RAI14: variants seen among roughly 807,000 people sequenced by gnomAD.
RAI14 encodes ankycorbin.
RAI14 carries 45 observed loss-of-function variants against 115.4 expected under a neutral mutation model. The ratio of observed to expected loss-of-function variants is 0.39; its 90% CI spans 0.31 to 0.50. The LOEUF (loss-of-function observed/expected upper bound fraction) is 0.50, where lower values mean the gene tolerates loss of function less well. Ranked by LOEUF, RAI14 falls within the 20% of genes least tolerant of loss-of-function variation. The pLI, the probability that RAI14 is intolerant of heterozygous loss-of-function variation, is 0.85. For synonymous variants in RAI14, 371 were observed against 415.4 expected, an observed-to-expected ratio of 0.89 and a Z score of 1.30; for missense variants, 939 against 1,131.2, an observed-to-expected ratio of 0.83 and a Z score of 2.44.
intron 2 of RAI14, among the ~76,000 whole-genome samples, chr5:34,718,532 G>A (rs1742268700): frequency 1.3e-5 from 2 of 152,332 alleles, no homozygotes; most frequent in South Asian, 2.1e-4. Context: ...TACACACAAT[G>A]GTGCTCAGGG....
At chr5:34,729,159 C>G (rs1283827578) in intron 2 of RAI14, among the ~76,000 whole-genome samples, 1 of 152,048 alleles carries the variant, frequency 6.6e-6, no homozygotes, top group Non-Finnish European at 1.5e-5. Context: ...GAGTTCAGAA[C>G]CAGCCTGGAC....
chr5:34,767,618 A>ACCCCCACCACCCCCACCACCCCCACCC (rs1749586456), intron 3 of RAI14, among the ~76,000 whole-genome samples: 1 of 41,132 alleles, frequency 2.4e-5, no homozygotes, highest in Non-Finnish European at 5.0e-5. Context: ...CACCCCCACC[A>ACCCCCACCACCCCCACCACCCCCACCC]CCCCCCACCC....
Position 34,823,466 on chromosome 5 carries a change from G to A in RAI14, c.1624G>A (p.Ala542Thr). 6.2e-7 allele frequency: 1 copy of A among 1,614,166 alleles called. No individual in the cohort carries two copies. Among genetic ancestry groups the A allele is most frequent in the Non-Finnish European group, 8.5e-7 (1 of 1,180,032 alleles). ...INVLKQDLQNALEESERNKEK... is the reference protein window; with the variant it reads ...INVLKQDLQNTLEESERNKEK... ...TGTGCTAAAGCAGGATCTGCAGAAT[G>A]CATTAGAAGAAAGTGAAAGAAATAA... Residue 542 changes from alanine (A) to threonine (T), a missense_variant, in exon 15 of 18, where the codon GCA becomes ACA. By Grantham distance (58) the Ala-to-Thr change is moderately conservative (BLOSUM62 0). Coordinates refer to ENST00000265109, the MANE Select transcript of RAI14 (RefSeq NM_015577.3). This position sits in a 1 kb window ranked among gnomAD's most constrained non-coding sequence, Gnocchi z 4.5.
At chr5:34,754,989 C>T (rs1196227259) in intron 2 of RAI14, among the ~76,000 whole-genome samples, 4 of 152,112 alleles carry the variant, frequency 2.6e-5, no homozygotes, top group Admixed American at 6.5e-5. Flanking sequence ...CTTCCCAGTC[C>T]AGTTTTAATT....
intron 2 of RAI14, among the ~76,000 whole-genome samples, chr5:34,750,861 T>TTTTTTTTTG (rs1746903909): frequency 6.9e-6 from 1 of 144,624 alleles, no homozygotes; most frequent in African/African-American, 2.6e-5. Context: ...TTTTTTTTTT[T>TTTTTTTTTG]TTTTTTTTGA....
At position 34,790,760 on chromosome 5, in the gene RAI14, A is replaced by G. The variant is rs533758499; in HGVS notation, c.168-5179A>G. 4.4e-5 allele frequency among the ~76,000 whole-genome samples: 6 copies of G among 135,298 alleles called. No homozygotes were observed. In the East Asian group the frequency reaches 7.8e-4, roughly 18 times the overall value. The allele number at this position is 135,298 out of a possible 152,430, so 88.8% of individuals were successfully genotyped here. On this transcript the variant is annotated intron_variant, in intron 3 of 17. Coordinates refer to ENST00000265109, the MANE Select transcript of RAI14 (RefSeq NM_015577.3). ...TGTGTATATGGGTGTGTGTGTGTGT[A>G]TATATACATATATATATATATATAG...
chr5:34,796,121 TGTG>T (rs1355147687), intron 4 of RAI14, 94 bp downstream of exon 4: 1 of 995,228 alleles, frequency 1.0e-6, no homozygotes, highest in East Asian at 2.4e-5. Flanking sequence ...TAAGGCCAGG[TGTG>T]GTAACTCATC....
At chr5:34,801,602 C>A (rs6887098) in intron 4 of RAI14, among the ~76,000 whole-genome samples, 62,803 of 151,854 alleles carry the variant, frequency 0.41, 13,468 homozygotes, top group Admixed American at 0.53. Context: ...TTAGCCAGGC[C>A]TGGTGGCACG....
intron 3 of RAI14, among the ~76,000 whole-genome samples, chr5:34,795,433 T>C (rs552644918): frequency 3.1e-4 from 47 of 152,346 alleles, no homozygotes; most frequent in African/African-American, 1.1e-3. Context: ...ATGCAACTAT[T>C]GTTACTCAGA....
At chr5:34,704,781 G>A (rs1740484945) in intron 2 of RAI14, among the ~76,000 whole-genome samples, 1 of 152,120 alleles carries the variant, frequency 6.6e-6, no homozygotes, top group Admixed American at 6.5e-5. Flanking sequence ...TTTCCTTATA[G>A]GATGACTTCA....
In RAI14 at chr5:34,828,164, T is replaced by C. The variant is rs1757636477; in HGVS notation, c.2800-1568T>C. The stretch of plus-strand genomic sequence containing the variant: ...ATCTGGTGGGGCTAACCAGTCGCAG[T>C]AGGGGTTGGGGGAAGCCTGAAGCAA... On this transcript the variant is annotated intron_variant, in intron 16 of 17. Transcript: ENST00000265109. Among the ~76,000 whole-genome samples, 3 of 151,976 alleles carry C rather than the reference T, an allele frequency of 2.0e-5. No individual in the cohort carries two copies. The South Asian group carries it at 6.2e-4, about 32-fold the overall frequency.
At chr5:34,769,773 T>C (rs1340384617) in intron 3 of RAI14, among the ~76,000 whole-genome samples, 1 of 152,210 alleles carries the variant, frequency 6.6e-6, no homozygotes, top group African/African-American at 2.4e-5. Flanking sequence ...TAGCCCAGGC[T>C]GGAGTGCAGT....
At chr5:34,760,283 G>A (rs894099787) in intron 3 of RAI14, among the ~76,000 whole-genome samples, 8 of 152,120 alleles carry the variant, frequency 5.3e-5, no homozygotes, top group Non-Finnish European at 1.0e-4. Flanking sequence ...TCCTGACCTC[G>A]TGATCTGCCT....
At chr5:34,682,102 G>A (rs1282511865) in intron 1 of RAI14, among the ~76,000 whole-genome samples, 3 of 151,990 alleles carry the variant, frequency 2.0e-5, no homozygotes, top group South Asian at 2.1e-4. Context: ...TGATCCACCC[G>A]CCTCGGCCTC....
At chr5:34,763,689 C>T (rs1041166705) in intron 3 of RAI14, among the ~76,000 whole-genome samples, 4 of 152,114 alleles carry the variant, frequency 2.6e-5, no homozygotes, top group Non-Finnish European at 4.4e-5. Flanking sequence ...GGGTTCAGGA[C>T]AGAAGAGCTC....
At chr5:34,681,661 A>C (rs529888379) in intron 1 of RAI14, among the ~76,000 whole-genome samples, 33 of 152,032 alleles carry the variant, frequency 2.2e-4, no homozygotes, top group Non-Finnish European at 3.5e-4. Context: ...CCCCCGGCTA[A>C]TTAAAAAAAT....
chr5:34,724,420 G>T (rs778114288), intron 2 of RAI14, among the ~76,000 whole-genome samples: 1 of 152,062 alleles, frequency 6.6e-6, no homozygotes, highest in Non-Finnish European at 1.5e-5. Flanking sequence ...AAGTATGCCC[G>T]GTATTTGGGC....
At chr5:34,706,037 G>A (rs998569123) in intron 2 of RAI14, among the ~76,000 whole-genome samples, 4 of 152,148 alleles carry the variant, frequency 2.6e-5, no homozygotes, top group African/African-American at 4.8e-5. Context: ...CTGATTTTCC[G>A]TATGGAGCAT....
intron 4 of RAI14, among the ~76,000 whole-genome samples, chr5:34,800,880 G>A (rs889526388): frequency 2.0e-5 from 3 of 152,134 alleles, no homozygotes; most frequent in African/African-American, 4.8e-5. Context: ...AATGCATTGC[G>A]TACACGACAT....
Sources: allele counts gnomAD v4.1 joint callset (sites outside exome capture counted in the v4.1 genomes callset), GRCh38; gene constraint gnomAD v4.1.1; non-coding constraint Gnocchi (gnomAD v3.1); transcripts MANE v1.5; gene names NCBI Gene and HGNC (gene_info 2026-07-23, HGNC 2026-07-21).